ADAMTSL1: variants seen among roughly 807,000 people sequenced by gnomAD.
The protein encoded by ADAMTSL1 is ADAMTS-like protein 1.
A neutral mutation model predicts 201.8 loss-of-function variants in ADAMTSL1; 126 were observed. The observed-to-expected ratio is 0.62, with a 90% confidence interval of 0.54 to 0.72. The LOEUF (loss-of-function observed/expected upper bound fraction) is 0.72, where lower values mean the gene tolerates loss of function less well. Among genes scored for constraint, ADAMTSL1 ranks in the 30% least tolerant of loss-of-function variants. The pLI is 0.00. For missense variants in ADAMTSL1, 2,679 were observed against 2,277.8 expected, an observed-to-expected ratio of 1.18 and a Z score of -3.59; for synonymous variants, 1,121 against 903.4, an observed-to-expected ratio of 1.24 and a Z score of -4.32.
At chr9:18,069,661 T>A (rs1822867900) in intron 1 of ADAMTSL1, among the ~76,000 whole-genome samples, 1 of 152,224 alleles carries the variant, frequency 6.6e-6, no homozygotes, top group Admixed American at 6.5e-5. Context: ...AGTGTTTATT[T>A]ATTTTGACAA....
chr9:18,695,933 G>A (rs2133271780), intron 13 of ADAMTSL1, among the ~76,000 whole-genome samples: 1 of 152,316 alleles, frequency 6.6e-6, no homozygotes, highest in East Asian at 1.9e-4. Flanking sequence ...CCATGGCTGG[G>A]GAGGCCACAG....
At chr9:18,901,060 C>T (rs756916098) in intron 26 of ADAMTSL1, among the ~76,000 whole-genome samples, 15 of 152,018 alleles carry the variant, frequency 9.9e-5, no homozygotes, top group Non-Finnish European at 1.6e-4. Context: ...TTGTAAGCTT[C>T]CTGAGGCCTC....
intron 2 of ADAMTSL1, among the ~76,000 whole-genome samples, chr9:18,420,522 C>T (rs148314686): frequency 4.6e-5 from 7 of 152,310 alleles, no homozygotes; most frequent in African/African-American, 1.7e-4. Context: ...TCCTCTAAGG[C>T]TGTCAGTACC....
chr9:18,808,057 C>T (rs893017516), intron 20 of ADAMTSL1, among the ~76,000 whole-genome samples: 22 of 152,130 alleles, frequency 1.4e-4, no homozygotes, highest in African/African-American at 5.1e-4. Context: ...AAAATAACAG[C>T]TCCAGCTTGA....
intron 16 of ADAMTSL1, among the ~76,000 whole-genome samples, chr9:18,769,996 A>G (rs1287875600): frequency 6.6e-6 from 1 of 152,180 alleles, no homozygotes; most frequent in Non-Finnish European, 1.5e-5. Flanking sequence ...AAAACCACTG[A>G]CATGAGGCCA....
intron 9 of ADAMTSL1, 28 bp downstream of exon 9, chr9:18,662,101 C>T (rs2133028363): frequency 6.2e-7 from 1 of 1,600,676 alleles, no homozygotes. Context: ...GTTCATTTGT[C>T]ATAAACATAA....
intron 1 of ADAMTSL1, among the ~76,000 whole-genome samples, chr9:18,498,778 C>T (rs1210554711): frequency 6.6e-6 from 1 of 152,194 alleles, no homozygotes; most frequent in Non-Finnish European, 1.5e-5. Flanking sequence ...GTTGTTCAAC[C>T]TCACAGCCTC....
chr9:18,809,738 G>A (rs1823388062), intron 20 of ADAMTSL1, among the ~76,000 whole-genome samples: 2 of 152,068 alleles, frequency 1.3e-5, no homozygotes, highest in Non-Finnish European at 1.5e-5. Flanking sequence ...GCAGTGAGCT[G>A]AGATCCCCCC....
At chr9:18,563,307 C>G (rs1400222724) in intron 3 of ADAMTSL1, among the ~76,000 whole-genome samples, 1 of 152,170 alleles carries the variant, frequency 6.6e-6, no homozygotes, top group Non-Finnish European at 1.5e-5. Flanking sequence ...GAGGTCCACT[C>G]CAGACCCTGT....
At chr9:18,293,454 C>A (rs1402890620) in intron 2 of ADAMTSL1, among the ~76,000 whole-genome samples, 2 of 152,186 alleles carry the variant, frequency 1.3e-5, no homozygotes, top group African/African-American at 4.8e-5. Context: ...ACTAGACCAG[C>A]AGTCATCATC....
chr9:18,660,930 C>A (rs1267237007), intron 8 of ADAMTSL1, among the ~76,000 whole-genome samples: 1 of 152,032 alleles, frequency 6.6e-6, no homozygotes, highest in Non-Finnish European at 1.5e-5. Context: ...TTGCAAGTCC[C>A]TTAATGATTT....
intron 2 of ADAMTSL1, among the ~76,000 whole-genome samples, chr9:18,382,614 A>G (rs1378992825): frequency 1.3e-5 from 2 of 152,096 alleles, no homozygotes; most frequent in Non-Finnish European, 2.9e-5. Flanking sequence ...CCAGAGAAAC[A>G]AAGGAGCCAT....
At chr9:18,855,369 A>G (rs1826776284) in intron 23 of ADAMTSL1, among the ~76,000 whole-genome samples, 1 of 152,154 alleles carries the variant, frequency 6.6e-6, no homozygotes, top group Non-Finnish European at 1.5e-5. Context: ...GAAAATAGAA[A>G]AGGATTCTTG....
At chr9:18,027,384 T>G (rs1205838573) in intron 1 of ADAMTSL1, among the ~76,000 whole-genome samples, 1 of 152,026 alleles carries the variant, frequency 6.6e-6, no homozygotes, top group Non-Finnish European at 1.5e-5. Context: ...CTGCTTTTGC[T>G]GCATCCCAGA....
chr9:18,868,710 G>T (rs1311703339), intron 23 of ADAMTSL1, among the ~76,000 whole-genome samples: 1 of 152,142 alleles, frequency 6.6e-6, no homozygotes, highest in Non-Finnish European at 1.5e-5. Context: ...TCTTCAGTTG[G>T]GCAAAATCTC....
chr9:18,693,532 C>A (rs1831365557), intron 13 of ADAMTSL1, among the ~76,000 whole-genome samples: 1 of 152,146 alleles, frequency 6.6e-6, no homozygotes, highest in African/African-American at 2.4e-5. Context: ...TTTCCTCATG[C>A]CAATGCCTAG....
intron 26 of ADAMTSL1, among the ~76,000 whole-genome samples, chr9:18,899,344 A>C (rs1225386775): frequency 1.3e-5 from 2 of 152,228 alleles, no homozygotes; most frequent in African/African-American, 4.8e-5. Context: ...GATAGGAAAA[A>C]TCAGTATCAT....
At chr9:18,826,510 G>A in intron 22 of ADAMTSL1, 47 bp downstream of exon 22, 1 of 1,572,852 alleles carries the variant, frequency 6.4e-7, no homozygotes, top group Non-Finnish European at 8.6e-7. Flanking sequence ...TGTTGGGAGT[G>A]ACTATCTAAC....
Position 18,776,950 on chromosome 9 carries a change from C to T in ADAMTSL1, c.2721C>T (p.Pro907=), listed in dbSNP as rs768954398. 6.3e-7 allele frequency: 1 copy of T among 1,599,512 alleles called. No individual in the cohort carries two copies. Among genetic ancestry groups the T allele is most frequent in the Admixed American group, 1.7e-5 (1 of 58,596 alleles). ...LRCPARRVRK[P]LITWEKDGQH... The stretch of plus-strand genomic sequence containing the variant: ...GCCCGGCGCGCAGGGTCCGCAAGCC[C>T]CTCATCACCTGGGAGAAGGACGGCC... Residue 907 remains proline, a synonymous_variant, in exon 19 of 29, where the codon CCC becomes CCT. Coordinates refer to ENST00000380548, the MANE Select transcript of ADAMTSL1 (RefSeq NM_001040272.6).
Sources: gnomAD v4.1 joint callset for allele counts (sites outside exome capture counted in the v4.1 genomes callset) on GRCh38, gnomAD v4.1.1 for gene constraint, MANE v1.5 for transcripts, NCBI Gene and HGNC (gene_info 2026-07-23, HGNC 2026-07-21) for gene names.